Variants in ELMO1 observed in about 807,000 individuals in gnomAD.
ELMO1 encodes engulfment and cell motility 1, also known as engulfment and cell motility protein 1.
ELMO1 carries 26 observed loss-of-function variants against 98.9 expected under a neutral mutation model. The ratio of observed to expected loss-of-function variants is 0.26; its 90% CI spans 0.19 to 0.36. ELMO1 has a LOEUF of 0.36. ELMO1 is among the 10% of genes least tolerant of loss of function. ELMO1 has a pLI of 1.00. For missense variants in ELMO1, 627 were observed against 935.2 expected, an observed-to-expected ratio of 0.67 and a Z score of 4.30; for synonymous variants, 346 against 346.0, an observed-to-expected ratio of 1.00 and a Z score of 0.00.
chr7:36,996,132 A>C (rs578098074), intron 16 of ELMO1, among the ~76,000 whole-genome samples: 1 of 152,332 alleles, frequency 6.6e-6, no homozygotes, highest in African/African-American at 2.4e-5. Flanking sequence ...AGACAGAAAA[A>C]AATATTCCCT....
chr7:36,962,339 A>G (rs1789021046), intron 16 of ELMO1, among the ~76,000 whole-genome samples: 1 of 152,194 alleles, frequency 6.6e-6, no homozygotes, highest in Non-Finnish European at 1.5e-5. Context: ...CTAGAAAACA[A>G]TTTGGACCGA....
intron 15 of ELMO1, among the ~76,000 whole-genome samples, chr7:37,026,123 C>T (rs548801135): frequency 6.6e-6 from 1 of 152,154 alleles, no homozygotes; most frequent in Non-Finnish European, 1.5e-5. Context: ...AGAGAAGTGG[C>T]GCATTAAGAG....
At chr7:37,121,711 C>T (rs1049534149) in intron 14 of ELMO1, among the ~76,000 whole-genome samples, 3 of 152,210 alleles carry the variant, frequency 2.0e-5, no homozygotes, top group South Asian at 2.1e-4. Flanking sequence ...TACAGGATAT[C>T]ATCCAGGAGA....
chr7:37,135,752 T>G (rs562873557), intron 13 of ELMO1, among the ~76,000 whole-genome samples: 22 of 152,246 alleles, frequency 1.4e-4, no homozygotes, highest in African/African-American at 5.1e-4. Context: ...AGATCTTCCC[T>G]CTGACTTAGT....
chr7:37,262,553 T>C (rs1219359507), intron 5 of ELMO1, among the ~76,000 whole-genome samples: 1 of 152,200 alleles, frequency 6.6e-6, no homozygotes, highest in Non-Finnish European at 1.5e-5. Context: ...TTCTTAACTA[T>C]CCCCACAGGC....
At chr7:37,147,317 T>C (rs963015583) in intron 13 of ELMO1, among the ~76,000 whole-genome samples, 1 of 152,094 alleles carries the variant, frequency 6.6e-6, no homozygotes, top group Non-Finnish European at 1.5e-5. Flanking sequence ...CTGATGGACA[T>C]CCTCTTCTCT....
At chr7:37,070,684 A>G (rs880865) in intron 15 of ELMO1, among the ~76,000 whole-genome samples, 36,862 of 152,098 alleles carry the variant, frequency 0.24, 5,420 homozygotes, top group African/African-American at 0.42. Flanking sequence ...GAAAGATGAC[A>G]TGATGGATTT....
At chr7:37,312,894 C>T (rs1362631130) in intron 4 of ELMO1, among the ~76,000 whole-genome samples, 1 of 152,202 alleles carries the variant, frequency 6.6e-6, no homozygotes, top group East Asian at 1.9e-4. Context: ...GAGATATACT[C>T]TGACCTAATC....
intron 16 of ELMO1, among the ~76,000 whole-genome samples, chr7:36,957,512 C>T (rs1307008964): frequency 3.9e-5 from 6 of 152,212 alleles, no homozygotes; most frequent in African/African-American, 1.4e-4. Context: ...CTTCAATATC[C>T]TCACAGATGA....
intron 1 of ELMO1, among the ~76,000 whole-genome samples, chr7:37,344,825 G>T (rs1210762855): frequency 6.6e-6 from 1 of 152,188 alleles, no homozygotes; most frequent in Non-Finnish European, 1.5e-5. Flanking sequence ...CCCTTTTTGT[G>T]AACAGTCCAA....
chr7:37,449,050 G>A (rs1026854397), upstream of ELMO1: 1 of 152,234 alleles, frequency 6.6e-6, no homozygotes, highest in Non-Finnish European at 1.5e-5. Context: ...CTCGTGGTCT[G>A]CGCGTTCGCC....
chr7:36,888,518 A>G (rs1164120489), intron 17 of ELMO1, among the ~76,000 whole-genome samples: 1 of 152,212 alleles, frequency 6.6e-6, no homozygotes, highest in Non-Finnish European at 1.5e-5. Flanking sequence ...AAGTCAGAAG[A>G]CTAGAGTTTC....
intron 13 of ELMO1, among the ~76,000 whole-genome samples, chr7:37,203,280 G>A (rs373653990): frequency 2.6e-5 from 4 of 152,216 alleles, no homozygotes; most frequent in East Asian, 3.9e-4. Context: ...GCATTCTCCC[G>A]TTAGTATTGG....
chr7:37,129,901 C>T (rs990164995), intron 14 of ELMO1, among the ~76,000 whole-genome samples: 1 of 152,226 alleles, frequency 6.6e-6, no homozygotes, highest in African/African-American at 2.4e-5. Context: ...AGCCATGCCC[C>T]GTTTGCCAGT....
At chr7:37,353,496 T>G (rs1391725426) in intron 1 of ELMO1, 2 of 155,444 alleles carry the variant, frequency 1.3e-5, no homozygotes, top group African/African-American at 4.9e-5. Flanking sequence ...GCTTCAAGAG[T>G]GAATAGCGAA....
chr7:37,366,271 T>C (rs6965930), intron 1 of ELMO1, among the ~76,000 whole-genome samples: 38,753 of 152,068 alleles, frequency 0.25, 5,230 homozygotes, highest in Non-Finnish European at 0.31. Flanking sequence ...TAAATTACAT[T>C]ACATAAAGTA....
intron 1 of ELMO1, among the ~76,000 whole-genome samples, chr7:37,386,364 G>A (rs1222292078): frequency 6.6e-6 from 1 of 151,888 alleles, no homozygotes; most frequent in African/African-American, 2.4e-5. Flanking sequence ...CAGAGAAAAG[G>A]GGGCAGGGGC....
At chr7:37,217,436 C>T (rs1793350622) in intron 10 of ELMO1, among the ~76,000 whole-genome samples, 2 of 152,104 alleles carry the variant, frequency 1.3e-5, no homozygotes, top group Admixed American at 1.3e-4. Context: ...AGTAAAAATA[C>T]TGCTCATATT....
chr7:37,380,493 C>T (rs940210010), intron 1 of ELMO1, among the ~76,000 whole-genome samples: 1 of 152,188 alleles, frequency 6.6e-6, no homozygotes, highest in South Asian at 2.1e-4. Context: ...CTTGACATAG[C>T]CTTTGTTTAC....
Sources: allele counts gnomAD v4.1 joint callset (sites outside exome capture counted in the v4.1 genomes callset), GRCh38; gene constraint gnomAD v4.1.1; transcripts MANE v1.5; gene names NCBI Gene and HGNC (gene_info 2026-07-23, HGNC 2026-07-21).